The following ZFAND4 variants were observed in gnomAD, a reference collection of about 807,000 sequenced individuals.
ZFAND4 encodes the protein AN1-type zinc finger protein 4.
Under a neutral mutation model 64.4 loss-of-function variants are expected in ZFAND4, and 43 were observed. The observed-to-expected ratio is 0.67, with a 90% CI of 0.52 to 0.86. ZFAND4 has a LOEUF of 0.86. Among genes scored for constraint, ZFAND4 ranks in the 40% least tolerant of loss-of-function variants. The probability of loss-of-function intolerance (pLI) is 0.00; values close to 1 mark genes in which losing one functional copy is unlikely to be tolerated. For missense variants in ZFAND4, 929 were observed against 859.8 expected, an observed-to-expected ratio of 1.08 and a Z score of -1.01; for synonymous variants, 296 against 305.7, an observed-to-expected ratio of 0.97 and a Z score of 0.33.
Position 45,616,579 on chromosome 10 carries a change from A to C in ZFAND4, c.2049-8T>G, listed in dbSNP as rs1287709785. On this transcript the variant is annotated splice_polypyrimidine_tract_variant and splice_region_variant and intron_variant, in intron 9 of 9. Coordinates refer to ENST00000344646, the MANE Select transcript of ZFAND4 (RefSeq NM_174890.4). ...CAGAAGTTGTTTCCACATCTAAAGC[A>C]CAAAAAAAGTTTACGTGAATAGTTG... 2 of 1,613,558 alleles carry C rather than the reference A, an allele frequency of 1.2e-6. No homozygotes were observed. The highest frequency in any genetic ancestry group is 2.7e-5 in the African/African-American group (2 of 74,910).
rs2045865608 is a variant in ZFAND4, at chr10:45,626,818, G to C, written c.1005C>G (p.Val335=). 3 of 1,614,104 alleles carry C rather than the reference G, an allele frequency of 1.9e-6. No homozygotes were observed. In the Admixed American group the frequency reaches 5.0e-5, roughly 27 times the overall value. Residue 335 remains valine (V), a synonymous_variant, in exon 7 of 10, where the codon GTC becomes GTG. Transcript: ENST00000344646. ...NNTLSHFSSN[V]KLPPQIPHLE... ...AATGGGGTATCTGAGGAGGTAGTTT[G>C]ACGTTGCTACTGAAGTGAGACAGTG... is the stretch of plus-strand genomic sequence containing the variant.
rs2133900134 is a variant in ZFAND4, at chr10:45,672,434, C to G, written c.-302G>C. On this transcript the variant is annotated 5_prime_UTR_variant, in exon 1 of 10. Coordinates refer to ENST00000344646, the MANE Select transcript of ZFAND4 (RefSeq NM_174890.4). ...GGCGTCACGCCCAAAGGAACAAACG[C>G]CAGAGCGTGTGTCCTGGGCAAAGGC... 1 of 152,272 alleles carries G rather than the reference C, an allele frequency of 6.6e-6. No individual in the cohort carries two copies. The highest frequency in any genetic ancestry group is 3.4e-3 in the Middle Eastern group (1 of 296). 9.4% of individuals were successfully genotyped at this position (152,272 alleles called of 1,614,324 possible).
At chr10:45,632,734 G>C (rs1260655726) in intron 6 of ZFAND4, among the ~76,000 whole-genome samples, 1 of 151,936 alleles carries the variant, frequency 6.6e-6, no homozygotes, top group African/African-American at 2.4e-5. Flanking sequence ...GCATAGAGAA[G>C]GAAACTGTAA....
intron 8 of ZFAND4, among the ~76,000 whole-genome samples, chr10:45,623,139 GA>G (rs1041542148): frequency 7.2e-5 from 11 of 152,166 alleles, no homozygotes; most frequent in Non-Finnish European, 1.5e-4. Context: ...CAAGGATGTG[GA>G]GAAATTGGAA....
In ZFAND4 at chr10:45,651,966, C is replaced by CT; in HGVS notation, c.327dup (p.Val110SerfsTer8). 1 of 1,613,000 alleles carries CT rather than the reference C, an allele frequency of 6.2e-7. No individual in the cohort carries two copies. The highest frequency in any genetic ancestry group is 8.5e-7 in the Non-Finnish European group (1 of 1,179,166). Reference sequence around the variant, plus strand: ...TGCTTTAATATATATATATGCCTACCTCTTCTAGTATTTATAGGTCCGCCA... The same window carrying CT: ...TGCTTTAATATATATATATGCCTACCTTCTTCTAGTATTTATAGGTCCGCCA... On this transcript the variant is annotated frameshift_variant and splice_region_variant, in exon 4 of 10. Coordinates refer to ENST00000344646, the MANE Select transcript of ZFAND4 (RefSeq NM_174890.4). LOFTEE classifies it high-confidence loss of function.
At chr10:45,635,224 A>AAAAAAAAAAAAAAAAAAAAG (rs2046507338) in intron 6 of ZFAND4, among the ~76,000 whole-genome samples, 1 of 136,688 alleles carries the variant, frequency 7.3e-6, no homozygotes. Context: ...CAAAAAAAAA[A>AAAAAAAAAAAAAAAAAAAAG]CAAACAAAAA....
intron 6 of ZFAND4, among the ~76,000 whole-genome samples, chr10:45,635,344 C>T (rs2046524241): frequency 6.6e-6 from 1 of 151,044 alleles, no homozygotes; most frequent in African/African-American, 2.4e-5. Flanking sequence ...TGGAAAAGAA[C>T]AGAGAACCCA....
chr10:45,671,641 T>C (rs543713923), intron 1 of ZFAND4, among the ~76,000 whole-genome samples: 10 of 152,022 alleles, frequency 6.6e-5, no homozygotes, highest in African/African-American at 2.2e-4. Context: ...ATGAGAACAC[T>C]TGGACACAGG....
chr10:45,654,647 C>A (rs1261238781), intron 2 of ZFAND4, among the ~76,000 whole-genome samples: 1 of 151,444 alleles, frequency 6.6e-6, no homozygotes, highest in Non-Finnish European at 1.5e-5. Flanking sequence ...ATGAATCAGG[C>A]CTGAAGAGTT....
At chr10:45,616,660 C>A in intron 9 of ZFAND4, 89 bp from the exon 10 acceptor site, 1 of 1,363,014 alleles carries the variant, frequency 7.3e-7, no homozygotes, top group Non-Finnish European at 1.0e-6. Flanking sequence ...TCAGGTAGTC[C>A]AACAGGGGCC....
intron 2 of ZFAND4, among the ~76,000 whole-genome samples, chr10:45,658,623 A>C (rs1463467265): frequency 6.6e-6 from 1 of 152,240 alleles, no homozygotes; most frequent in Admixed American, 6.5e-5. Flanking sequence ...ACTAAAAAAA[A>C]TGATCGAAGC....
At chr10:45,644,188 C>CT (rs980163373) in intron 5 of ZFAND4, among the ~76,000 whole-genome samples, 2 of 152,048 alleles carry the variant, frequency 1.3e-5, no homozygotes, top group African/African-American at 2.4e-5. Flanking sequence ...TATTCTGTGA[C>CT]TTTTTTTATT....
At chr10:45,630,983 A>G (rs2046171420) in intron 6 of ZFAND4, among the ~76,000 whole-genome samples, 1 of 150,862 alleles carries the variant, frequency 6.6e-6, no homozygotes, top group Non-Finnish European at 1.5e-5. Flanking sequence ...AAAAGAAAGA[A>G]AGAAAGAAAA....
At chr10:45,671,003 T>A (rs1277958091) in intron 1 of ZFAND4, among the ~76,000 whole-genome samples, 1 of 151,896 alleles carries the variant, frequency 6.6e-6, no homozygotes, top group Non-Finnish European at 1.5e-5. Flanking sequence ...AACAACCGCA[T>A]CAAAAAGTGG....
intron 5 of ZFAND4, among the ~76,000 whole-genome samples, chr10:45,642,275 T>C (rs1488420073): frequency 2.0e-5 from 3 of 152,016 alleles, no homozygotes; most frequent in Admixed American, 2.0e-4. Context: ...AATAGATACA[T>C]ATATACACAC....
chr10:45,624,682 A>G lies in ZFAND4; in HGVS notation c.1873-45T>C, dbSNP rs746669266. On this transcript the variant is annotated intron_variant, in intron 7 of 9. Transcript: ENST00000344646. ...CATCTATAGAGGTGAGTCAATGAAG[A>G]ATAGAAATGATCAACAAACATGAAA... is the stretch of plus-strand genomic sequence containing the variant. The G allele has an allele frequency of 6.8e-6, 10 of 1,481,256 alleles. No individual in the cohort carries two copies. The South Asian group carries it at 1.2e-4, about 17-fold the overall frequency. The allele number at this position is 1,481,256 out of a possible 1,614,324, so 91.8% of individuals were successfully genotyped here.
chr10:45,636,073 GAAATGAA>G (rs2046575715), intron 6 of ZFAND4, among the ~76,000 whole-genome samples: 1 of 151,884 alleles, frequency 6.6e-6, no homozygotes, highest in Non-Finnish European at 1.5e-5. Context: ...TAAATCTAAA[GAAATGAA>G]AAATACATCA....
At chr10:45,639,163 C>A (rs1038126175) in intron 6 of ZFAND4, among the ~76,000 whole-genome samples, 1 of 151,860 alleles carries the variant, frequency 6.6e-6, no homozygotes, top group African/African-American at 2.4e-5. Flanking sequence ...GGACTTTTAT[C>A]TAGAATATAT....
chr10:45,635,416 G>T (rs996160700), intron 6 of ZFAND4, among the ~76,000 whole-genome samples: 2 of 152,000 alleles, frequency 1.3e-5, no homozygotes, highest in African/African-American at 4.8e-5. Flanking sequence ...AACATACACT[G>T]GGGAAAGGAT....
Sources: gnomAD v4.1 joint callset for allele counts (sites outside exome capture counted in the v4.1 genomes callset) on GRCh38, gnomAD v4.1.1 for gene constraint, MANE v1.5 for transcripts, NCBI Gene and HGNC (gene_info 2026-07-23, HGNC 2026-07-21) for gene names.